Variants in MAPKAP1 observed in about 807,000 individuals in gnomAD.
The protein encoded by MAPKAP1 is MAPK associated protein 1, also known as target of rapamycin complex 2 subunit MAPKAP1.
A neutral mutation model predicts 65.7 loss-of-function variants in MAPKAP1; 20 were observed. The observed-to-expected ratio is 0.30, with a 90% CI of 0.21 to 0.44. The LOEUF (loss-of-function observed/expected upper bound fraction) is 0.44, where lower values mean the gene tolerates loss of function less well. Among genes scored for constraint, MAPKAP1 ranks in the 20% least tolerant of loss-of-function variants. The pLI is 1.00. For synonymous variants in MAPKAP1, 222 were observed against 244.3 expected, an observed-to-expected ratio of 0.91 and a Z score of 0.85; for missense variants, 423 against 648.0, an observed-to-expected ratio of 0.65 and a Z score of 3.77.
chr9:125,644,953 C>T (rs918215986), intron 4 of MAPKAP1, among the ~76,000 whole-genome samples: 1 of 152,124 alleles, frequency 6.6e-6, no homozygotes, highest in African/African-American at 2.4e-5. Flanking sequence ...GCATGTTAGA[C>T]ATAGCGCAAT....
intron 1 of MAPKAP1, among the ~76,000 whole-genome samples, chr9:125,698,288 AATATATAT>A (rs57303829): frequency 0.018 from 880 of 48,790 alleles, 9 homozygotes; most frequent in East Asian, 0.038. Context: ...AATATATATA[AATATATAT>A]ATATATATAT....
intron 4 of MAPKAP1, among the ~76,000 whole-genome samples, chr9:125,602,771 T>A (rs1400325661): frequency 6.6e-6 from 1 of 152,176 alleles, no homozygotes; most frequent in South Asian, 2.1e-4. Flanking sequence ...TGAGGATCGC[T>A]CATTCCCTCT....
At chr9:125,471,826 T>C (rs757956259) in intron 9 of MAPKAP1, 1 of 152,314 alleles carries the variant, frequency 6.6e-6, no homozygotes, top group Non-Finnish European at 1.5e-5. Flanking sequence ...CCAGCGATCA[T>C]TCAGTACAAT....
At chr9:125,576,094 G>A (rs1176957800) in intron 5 of MAPKAP1, among the ~76,000 whole-genome samples, 3 of 152,160 alleles carry the variant, frequency 2.0e-5, no homozygotes, top group African/African-American at 7.2e-5. Context: ...GGCTACATAT[G>A]GTATGATTCC....
intron 6 of MAPKAP1, among the ~76,000 whole-genome samples, chr9:125,543,734 C>A (rs1274869839): frequency 6.6e-6 from 1 of 152,178 alleles, no homozygotes; most frequent in Non-Finnish European, 1.5e-5. Context: ...AGGGAAGGTT[C>A]TTCTAATTTG....
chr9:125,682,616 A>G (rs544903944), intron 1 of MAPKAP1, among the ~76,000 whole-genome samples: 11 of 152,344 alleles, frequency 7.2e-5, no homozygotes, highest in African/African-American at 2.6e-4. Context: ...CTCTGACATA[A>G]TAGATTTGAC....
At chr9:125,664,228 T>G (rs1834270523) in intron 3 of MAPKAP1, among the ~76,000 whole-genome samples, 1 of 151,192 alleles carries the variant, frequency 6.6e-6, no homozygotes, top group African/African-American at 2.4e-5. Context: ...GCACCTGTAA[T>G]CCCAGCTACT....
chr9:125,472,580 G>A (rs1240543327), intron 9 of MAPKAP1, among the ~76,000 whole-genome samples: 1 of 152,200 alleles, frequency 6.6e-6, no homozygotes, highest in Non-Finnish European at 1.5e-5. Context: ...TGTCACGTAT[G>A]CACTGTTTTA....
chr9:125,685,048 T>C (rs1355109201), intron 1 of MAPKAP1, among the ~76,000 whole-genome samples: 1 of 152,108 alleles, frequency 6.6e-6, no homozygotes, highest in African/African-American at 2.4e-5. Flanking sequence ...CACTGCCTGT[T>C]AGTAAGGTGC....
chr9:125,511,164 CCATCATCAT>C (rs3051230), intron 7 of MAPKAP1, among the ~76,000 whole-genome samples: 2,187 of 147,052 alleles, frequency 0.015, 38 homozygotes, highest in African/African-American at 0.042. Flanking sequence ...ATCATCATCA[CCATCATCAT>C]CATCATCATC....
chr9:125,451,813 T>TTC (rs1852961835), intron 10 of MAPKAP1, among the ~76,000 whole-genome samples: 1 of 150,080 alleles, frequency 6.7e-6, no homozygotes, highest in Admixed American at 6.6e-5. Flanking sequence ...CAGGAGTTTT[T>TTC]TTTTTTTTTT....
chr9:125,660,194 G>A (rs548365306), intron 3 of MAPKAP1, among the ~76,000 whole-genome samples: 172 of 152,222 alleles, frequency 1.1e-3, no homozygotes, highest in African/African-American at 3.9e-3. Flanking sequence ...TCATCCAGTC[G>A]TATGCTTTTA....
At chr9:125,645,948 A>C (rs1833714035) in intron 4 of MAPKAP1, among the ~76,000 whole-genome samples, 1 of 150,570 alleles carries the variant, frequency 6.6e-6, no homozygotes, top group African/African-American at 2.5e-5. Context: ...CACTAAATAA[A>C]ATTTTTAAAA....
chr9:125,589,255 C>A (rs1421686871), intron 4 of MAPKAP1, among the ~76,000 whole-genome samples: 1 of 152,194 alleles, frequency 6.6e-6, no homozygotes, highest in East Asian at 1.9e-4. Context: ...ATGTCCTGTT[C>A]ATCTCCTTCA....
chr9:125,691,303 G>T (rs372060502), intron 1 of MAPKAP1, among the ~76,000 whole-genome samples: 1 of 152,040 alleles, frequency 6.6e-6, no homozygotes, highest in African/African-American at 2.4e-5. Context: ...GGTAGAACTC[G>T]GTGACTGAGT....
chr9:125,589,844 GCACT>G (rs2131587543), intron 4 of MAPKAP1, among the ~76,000 whole-genome samples: 1 of 152,230 alleles, frequency 6.6e-6, no homozygotes, highest in East Asian at 1.9e-4. Context: ...TTGCACGTGT[GCACT>G]CTCTGTCTCG....
At position 125,585,536 on chromosome 9, in the gene MAPKAP1, CA is replaced by C. The variant is rs1178882966; in HGVS notation, c.671+18del. 6.2e-7 allele frequency: 1 copy of C among 1,610,806 alleles called. No homozygotes were observed. The highest frequency in any genetic ancestry group is 1.7e-5 in the Admixed American group (1 of 59,904). On this transcript the variant is annotated intron_variant, in intron 5 of 11. Coordinates refer to ENST00000265960, the MANE Select transcript of MAPKAP1 (RefSeq NM_001006617.3). ...AAAGACCACAAGAAACTAGAGCAGC[CA>C]AAAAGAGAATGGATTACTTGAGCTT...
chr9:125,651,379 C>A (rs1011119130), intron 4 of MAPKAP1, among the ~76,000 whole-genome samples: 1 of 151,914 alleles, frequency 6.6e-6, no homozygotes, highest in Non-Finnish European at 1.5e-5. Context: ...CCGAGGCGGG[C>A]AGATCACCTG....
chr9:125,646,273 G>C (rs1227016912), intron 4 of MAPKAP1, among the ~76,000 whole-genome samples: 2 of 151,926 alleles, frequency 1.3e-5, no homozygotes, highest in African/African-American at 4.8e-5. Context: ...TTGAGCCCAG[G>C]AGACCAGCCT....
Sources: gnomAD v4.1 joint callset for allele counts (sites outside exome capture counted in the v4.1 genomes callset) on GRCh38, gnomAD v4.1.1 for gene constraint, MANE v1.5 for transcripts, NCBI Gene and HGNC (gene_info 2026-07-23, HGNC 2026-07-21) for gene names.